CFAP300: variants seen among roughly 807,000 people sequenced by gnomAD.
The protein encoded by CFAP300 is cilia and flagella associated protein 300.
In CFAP300, 32 loss-of-function variants were observed where a neutral mutation model predicts 33.0. The observed-to-expected ratio is 0.97, with a 90% CI of 0.73 to 1.30. The LOEUF is 1.30. Among genes scored for constraint, CFAP300 ranks in the 50% most tolerant of loss-of-function variants. CFAP300 has a pLI of 0.00. For missense variants in CFAP300, 356 were observed against 318.1 expected (o/e 1.12, Z -0.90); for synonymous variants, 102 against 106.8 (o/e 0.95, Z 0.28).
intron 2 of CFAP300, among the ~76,000 whole-genome samples, chr11:102,050,492 A>C (rs1435443327): frequency 6.6e-6 from 1 of 152,230 alleles, no homozygotes; most frequent in Non-Finnish European, 1.5e-5. Context: ...TATTTCTGAG[A>C]TGATAAATGG....
At chr11:102,075,835 T>G in intron 4 of CFAP300, 38 bp from the exon 5 acceptor site, 19 of 1,474,466 alleles carry the variant, frequency 1.3e-5, no homozygotes, top group Non-Finnish European at 1.7e-5. Flanking sequence ...GTAAAAATCT[T>G]GAGTTATGTT....
At chr11:102,055,871 G>A (rs1470570419) in intron 2 of CFAP300, among the ~76,000 whole-genome samples, 3 of 151,636 alleles carry the variant, frequency 2.0e-5, no homozygotes, top group Admixed American at 6.6e-5. Context: ...GAGTTTCACC[G>A]TGTTAGTCAG....
At chr11:102,063,313 A>G (rs548673304) in intron 3 of CFAP300, among the ~76,000 whole-genome samples, 6 of 152,084 alleles carry the variant, frequency 3.9e-5, no homozygotes, top group Non-Finnish European at 8.8e-5. Context: ...GACACCTGTC[A>G]CCCCTTTCTT....
rs1219657368 is a variant in CFAP300, at chr11:102,059,129, T to G, written c.268+174T>G. On this transcript the variant is annotated intron_variant, in intron 3 of 6. Transcript: ENST00000434758. Reference sequence around the variant, plus strand: ...CTGCATCTCTTTCCTGGGAGTCTACTGCTACTATGCTGGCTTAACACATAA... The same window carrying G: ...CTGCATCTCTTTCCTGGGAGTCTACGGCTACTATGCTGGCTTAACACATAA... Among the ~76,000 whole-genome samples the G allele has an allele frequency of 2.0e-5, 3 of 152,240 alleles. No individual in the cohort carries two copies. The East Asian group carries it at 5.8e-4, about 29-fold the overall frequency.
At chr11:102,078,729 G>A in intron 5 of CFAP300, among the ~76,000 whole-genome samples, 1 of 151,640 alleles carries the variant, frequency 6.6e-6, no homozygotes, top group East Asian at 1.9e-4. Context: ...ATTTTTTTGA[G>A]ATGGAGTCTC....
chr11:102,074,997 A>G (rs2135045871), intron 4 of CFAP300, among the ~76,000 whole-genome samples: 1 of 152,132 alleles, frequency 6.6e-6, no homozygotes, highest in East Asian at 1.9e-4. Context: ...ACAAACCACC[A>G]TGCCCAGCCT....
chr11:102,062,560 T>C (rs1191253769), intron 3 of CFAP300, among the ~76,000 whole-genome samples: 2 of 152,218 alleles, frequency 1.3e-5, no homozygotes, highest in African/African-American at 2.4e-5. Flanking sequence ...GTAGAACTTA[T>C]AAGTGATGAA....
Position 102,075,957 on chromosome 11 carries a change from C to A in CFAP300, c.520C>A (p.Leu174Ile), listed in dbSNP as rs747400996. Residue 174 changes from leucine to isoleucine, a missense_variant, in exon 5 of 7, where the codon CTT becomes ATT. Physicochemically the swap from Leu to Ile is conservative, Grantham distance 5. Coordinates refer to ENST00000434758, the MANE Select transcript of CFAP300 (RefSeq NM_032930.3). ...EEFLFCLFKHLCLGGALCQYE... is the reference protein window; with the variant it reads ...EEFLFCLFKHICLGGALCQYE... ...GTTCCTGTTTTGTCTTTTCAAACAT[C>A]TTTGCCTTGGTGGAGCCCTTTGTCA... is the stretch of plus-strand genomic sequence containing the variant. 5.0e-6 allele frequency: 8 copies of A among 1,613,768 alleles called. No homozygotes were observed. In the Admixed American group the frequency reaches 1.3e-4, roughly 27 times the overall value.
chr11:102,066,410 G>C, intron 3 of CFAP300, 75 bp from the exon 4 acceptor site: 1 of 1,004,058 alleles, frequency 1.0e-6, no homozygotes, highest in Non-Finnish European at 1.4e-6. Context: ...TCTGCATAGC[G>C]ATTTATTTTG....
At chr11:102,069,094 G>A (rs1942271123) in intron 4 of CFAP300, among the ~76,000 whole-genome samples, 1 of 152,122 alleles carries the variant, frequency 6.6e-6, no homozygotes, top group African/African-American at 2.4e-5. Flanking sequence ...AAAACTGCTT[G>A]CTGTCTGTCT....
chr11:102,079,051 T>G (rs1473518513), intron 5 of CFAP300, among the ~76,000 whole-genome samples: 1 of 152,208 alleles, frequency 6.6e-6, no homozygotes, highest in African/African-American at 2.4e-5. Flanking sequence ...AAGTGATTGT[T>G]CTGATATCAA....
intron 4 of CFAP300, among the ~76,000 whole-genome samples, chr11:102,073,318 T>A (rs973967351): frequency 2.0e-5 from 3 of 151,904 alleles, no homozygotes; most frequent in Non-Finnish European, 4.4e-5. Flanking sequence ...CAAGTATGGG[T>A]GGGTTCCAGC....
intron 3 of CFAP300, among the ~76,000 whole-genome samples, chr11:102,060,851 G>C (rs1591318324): frequency 6.6e-6 from 1 of 152,112 alleles, no homozygotes; most frequent in Non-Finnish European, 1.5e-5. Context: ...TTTGGCTAAA[G>C]ACTACTGCAA....
chr11:102,051,343 C>A (rs182451753), intron 2 of CFAP300, among the ~76,000 whole-genome samples: 2 of 152,256 alleles, frequency 1.3e-5, no homozygotes, highest in African/African-American at 4.8e-5. Flanking sequence ...TCCACATAAA[C>A]AACTTCAAGG....
chr11:102,061,720 T>A (rs1257375332), intron 3 of CFAP300, among the ~76,000 whole-genome samples: 1 of 152,200 alleles, frequency 6.6e-6, no homozygotes, highest in Non-Finnish European at 1.5e-5. Context: ...GGATCCAGAA[T>A]TGAAGACATT....
intron 4 of CFAP300, among the ~76,000 whole-genome samples, chr11:102,072,710 T>C (rs1254231073): frequency 6.6e-6 from 1 of 152,232 alleles, no homozygotes; most frequent in Non-Finnish European, 1.5e-5. Flanking sequence ...TTTCTTCCTT[T>C]TTCATATTTC....
At chr11:102,070,989 C>T (rs1293865264) in intron 4 of CFAP300, among the ~76,000 whole-genome samples, 1 of 152,096 alleles carries the variant, frequency 6.6e-6, no homozygotes, top group Non-Finnish European at 1.5e-5. Flanking sequence ...AAGAATGTTC[C>T]ATGTGCTGAT....
At chr11:102,055,691 G>A (rs897439342) in intron 2 of CFAP300, among the ~76,000 whole-genome samples, 1 of 33,922 alleles carries the variant, frequency 2.9e-5, no homozygotes, top group African/African-American at 1.4e-4. Context: ...TTTTTTTTTT[G>A]AGACGGAGTC....
In CFAP300 at chr11:102,075,954, C is replaced by T; in HGVS notation, c.517C>T (p.His173Tyr). The stretch of plus-strand genomic sequence containing the variant: ...AGAGTTCCTGTTTTGTCTTTTCAAA[C>T]ATCTTTGCCTTGGTGGAGCCCTTTG... ...REEFLFCLFK[H>Y]LCLGGALCQY... The change falls in exon 5 of 7, where the codon CAT becomes TAT. Residue 173 changes from histidine to tyrosine, a missense_variant. Coordinates refer to ENST00000434758, the MANE Select transcript of CFAP300 (RefSeq NM_032930.3). 2.5e-6 allele frequency: 4 copies of T among 1,613,910 alleles called. No homozygotes were observed. In the South Asian group the frequency reaches 3.3e-5, roughly 13 times the overall value.
Sources: allele counts gnomAD v4.1 joint callset (sites outside exome capture counted in the v4.1 genomes callset), GRCh38; gene constraint gnomAD v4.1.1; transcripts MANE v1.5; gene names NCBI Gene and HGNC (gene_info 2026-07-23, HGNC 2026-07-21).